Variants in UNC45B observed in about 807,000 individuals in gnomAD.
The protein encoded by UNC45B is protein unc-45 homolog B.
Under a neutral mutation model 98.7 loss-of-function variants are expected in UNC45B, and 78 were observed. That is an observed-to-expected ratio of 0.79 (90% CI 0.66 to 0.95). UNC45B has a LOEUF of 0.95. UNC45B is among the 40% of genes least tolerant of loss of function. The pLI is 0.00. For missense variants in UNC45B, 1,225 were observed against 1,184.9 expected, an observed-to-expected ratio of 1.03 and a Z score of -0.50; for synonymous variants, 462 against 480.4, an observed-to-expected ratio of 0.96 and a Z score of 0.50.
At chr17:35,185,123 C>T (rs150323300) in intron 19 of UNC45B, among the ~76,000 whole-genome samples, 100 of 152,190 alleles carry the variant, frequency 6.6e-4, no homozygotes, top group Non-Finnish European at 1.2e-3. Flanking sequence ...ATAGGACATT[C>T]AGTGCAGTTT....
rs116870591 is a variant in UNC45B at position 35,181,083 on chromosome 17, G to A, written c.2373+407G>A. The stretch of plus-strand genomic sequence containing the variant: ...AAAAAATGAAGAAATGCCAAATACA[G>A]TTATCAGCCATTTTAGGATGTCTCA... On this transcript the variant is annotated intron_variant, in intron 18 of 19. Transcript: ENST00000394570. Among the ~76,000 whole-genome samples, 554 of 152,286 alleles carry A rather than the reference G, an allele frequency of 3.6e-3. 2 individuals carry two copies. Among genetic ancestry groups the A allele is most frequent in the Non-Finnish European group, 6.6e-3 (448 of 68,014 alleles).
At position 35,186,746 on chromosome 17, in the gene UNC45B, T is replaced by C; in HGVS notation, c.*187T>C. 1.7e-6 allele frequency: 1 copy of C among 598,972 alleles called. No individual in the cohort carries two copies. The highest frequency in any genetic ancestry group is 2.8e-6 in the Non-Finnish European group (1 of 363,536). 37.1% of individuals were successfully genotyped at this position (598,972 alleles called of 1,614,324 possible). The stretch of plus-strand genomic sequence containing the variant: ...CTTTGTCCTGACAGAGTTTGGATGT[T>C]TCACTCTCTCTCTTGCTTCCTGTCT... On this transcript the variant is annotated 3_prime_UTR_variant, in exon 20 of 20. Coordinates refer to ENST00000394570, the MANE Select transcript of UNC45B (RefSeq NM_001267052.2).
chr17:35,150,250 T>G, intron 4 of UNC45B, 27 bp downstream of exon 4: 2 of 1,589,322 alleles, frequency 1.3e-6, no homozygotes, highest in South Asian at 2.3e-5. Context: ...CCCACAACCC[T>G]TGGCTGCCCA....
intron 13 of UNC45B, among the ~76,000 whole-genome samples, chr17:35,173,771 A>G (rs2092206219): frequency 6.6e-6 from 1 of 151,188 alleles, no homozygotes; most frequent in Non-Finnish European, 1.5e-5. Flanking sequence ...CCCTTTTGCC[A>G]TGTAAGGTCC....
intron 18 of UNC45B, among the ~76,000 whole-genome samples, chr17:35,181,313 G>A (rs1242109204): frequency 6.6e-6 from 1 of 152,202 alleles, no homozygotes; most frequent in Non-Finnish European, 1.5e-5. Context: ...TGCTGTGACT[G>A]TATGTGTAAT....
chr17:35,159,232 A>T (rs1597911900), intron 7 of UNC45B, 143 bp from the exon 8 acceptor site: 2 of 828,916 alleles, frequency 2.4e-6, no homozygotes, highest in South Asian at 2.0e-5. Context: ...TGAGATGGGC[A>T]ACACTATACT....
At chr17:35,178,387 T>C (rs2092250751) in intron 17 of UNC45B, among the ~76,000 whole-genome samples, 1 of 152,224 alleles carries the variant, frequency 6.6e-6, no homozygotes, top group Admixed American at 6.5e-5. Context: ...TTTGATGCGG[T>C]TGTTTTTTTC....
intron 7 of UNC45B, among the ~76,000 whole-genome samples, chr17:35,157,084 A>G (rs1267062166): frequency 6.6e-6 from 1 of 152,200 alleles, no homozygotes; most frequent in Non-Finnish European, 1.5e-5. Flanking sequence ...TTTATTTTCA[A>G]GAATATCATA....
At chr17:35,153,117 A>G in intron 5 of UNC45B, 135 bp downstream of exon 5, 3 of 659,784 alleles carry the variant, frequency 4.5e-6, no homozygotes, top group Non-Finnish European at 5.2e-6. Flanking sequence ...GGTTAAGCAC[A>G]TTGGAACACA....
At chr17:35,183,319 G>T in intron 18 of UNC45B, 108 bp from the exon 19 acceptor site, 1 of 1,265,320 alleles carries the variant, frequency 7.9e-7, no homozygotes, top group East Asian at 2.9e-5. Context: ...CTGCTCAAAG[G>T]GAAACTCTAA....
At chr17:35,170,929 G>A (rs376784299) in intron 12 of UNC45B, among the ~76,000 whole-genome samples, 1 of 152,074 alleles carries the variant, frequency 6.6e-6, no homozygotes, top group East Asian at 1.9e-4. Flanking sequence ...CTCATCTGCT[G>A]GGCCAACTCC....
rs776592985 is a variant in UNC45B, at chr17:35,175,011, AAGG to A, written c.1958+646_1958+648del. On this transcript the variant is annotated intron_variant, in intron 14 of 19. Coordinates refer to ENST00000394570, the MANE Select transcript of UNC45B (RefSeq NM_001267052.2). The stretch of plus-strand genomic sequence containing the variant: ...GAGGGAAGGAAGGAGGGAAGAAAGA[AAGG>A]AGGGAAGGAAGGAGAGAGAGGAAAG... Among the ~76,000 whole-genome samples, 718 of 139,194 alleles carry A rather than the reference AAGG, an allele frequency of 5.2e-3. 3 individuals carry two copies. The highest frequency in any genetic ancestry group is 0.018 in the South Asian group (79 of 4,374). 91.3% of individuals were successfully genotyped at this position (139,194 alleles called of 152,430 possible).
At chr17:35,180,253 T>TGAGAGAGA (rs56300196) in intron 17 of UNC45B, among the ~76,000 whole-genome samples, 3,397 of 139,872 alleles carry the variant, frequency 0.024, 72 homozygotes, top group South Asian at 0.054. Context: ...ACATCCAGGA[T>TGAGAGAGA]GAGAGAGAGA....
rs558448495 is a variant in UNC45B, at chr17:35,153,011, G to A, written c.471+29G>A. ...AGTGCTGGCCAGTGCCATCCAGCCA[G>A]CAGAAGGACCCGCCAGTCTGGACAG... On this transcript the variant is annotated intron_variant, in intron 5 of 19. Coordinates refer to ENST00000394570, the MANE Select transcript of UNC45B (RefSeq NM_001267052.2). 7.8e-6 allele frequency: 12 copies of A among 1,545,096 alleles called. No homozygotes were observed. The South Asian group carries it at 1.3e-4, about 17-fold the overall frequency.
In UNC45B at chr17:35,169,268, G is replaced by T. The variant is rs1197111048; in HGVS notation, c.1453-569G>T. On this transcript the variant is annotated intron_variant, in intron 10 of 19. Coordinates refer to ENST00000394570, the MANE Select transcript of UNC45B (RefSeq NM_001267052.2). ...TTGGCCAGGCTGGTCTCAAACTCCT[G>T]GCCTAACTGATCCACCCGCCTCGGC... Among the ~76,000 whole-genome samples, 4 of 152,024 alleles carry T rather than the reference G, an allele frequency of 2.6e-5. No homozygotes were observed. In the East Asian group the frequency reaches 7.8e-4, roughly 30 times the overall value.
chr17:35,175,085 AAG>A (rs34062315), intron 14 of UNC45B, among the ~76,000 whole-genome samples: 39 of 97,340 alleles, frequency 4.0e-4, no homozygotes, highest in African/African-American at 7.7e-4. Context: ...GAAAGAAAGA[AAG>A]AGAAAGAAAG....
At chr17:35,177,212 C>A in intron 16 of UNC45B, 82 bp downstream of exon 16, 2 of 1,295,876 alleles carry the variant, frequency 1.5e-6, no homozygotes, top group South Asian at 2.6e-5. Flanking sequence ...CATTCTACCT[C>A]GAGCCTGGGA....
At chr17:35,151,223 T>C in intron 4 of UNC45B, 1 of 285,038 alleles carries the variant, frequency 3.5e-6, no homozygotes, top group Non-Finnish European at 6.9e-6. Flanking sequence ...TATGCTTAAA[T>C]TCAGCGGGTC....
At position 35,174,309 on chromosome 17, in the gene UNC45B, C is replaced by T. The variant is rs759010145; in HGVS notation, c.1898C>T (p.Ala633Val). 3 of 1,614,086 alleles carry T rather than the reference C, an allele frequency of 1.9e-6. No individual in the cohort carries two copies. Among genetic ancestry groups the T allele is most frequent in the Non-Finnish European group, 2.5e-6 (3 of 1,180,040 alleles). Reference sequence around the variant, plus strand: ...AAGGCGGGTGTCATCTCTGCCCTGGCTTGCATGGTGAAAGCAGATAGTGCC... The same window carrying T: ...AAGGCGGGTGTCATCTCTGCCCTGGTTTGCATGGTGAAAGCAGATAGTGCC... ...LLKAGVISALACMVKADSAIL... is the reference protein window; with the variant it reads ...LLKAGVISALVCMVKADSAIL... Residue 633 changes from alanine to valine, a missense_variant, in exon 14 of 20, where the codon GCT (alanine) becomes GTT (valine). By Grantham distance (64) the Ala-to-Val change is moderately conservative. Coordinates refer to ENST00000394570, the MANE Select transcript of UNC45B (RefSeq NM_001267052.2).
Sources: allele counts gnomAD v4.1 joint callset (sites outside exome capture counted in the v4.1 genomes callset), GRCh38; gene constraint gnomAD v4.1.1; transcripts MANE v1.5; gene names NCBI Gene and HGNC (gene_info 2026-07-23, HGNC 2026-07-21).